Variants in COA1 observed in about 807,000 individuals in gnomAD.
COA1 encodes the protein cytochrome c oxidase assembly factor 1.
Under a neutral mutation model 16.0 loss-of-function variants are expected in COA1, and 13 were observed. The observed-to-expected ratio is 0.81, with a 90% CI of 0.53 to 1.29. The LOEUF (loss-of-function observed/expected upper bound fraction) is 1.29. Among genes scored for constraint, COA1 ranks in the 50% most tolerant of loss-of-function variants. The probability of loss-of-function intolerance (pLI) is 0.00; values close to 1 mark genes in which losing one functional copy is unlikely to be tolerated. For missense variants in COA1, 179 were observed against 177.0 expected (o/e 1.01, Z -0.06); for synonymous variants, 65 against 65.7 (o/e 0.99, Z 0.05).
At chr7:43,647,179 C>A (rs552521425) in intron 3 of COA1, 15 of 313,658 alleles carry the variant, frequency 4.8e-5, no homozygotes, top group African/African-American at 2.8e-4. Context: ...CGCACAGCCA[C>A]AGCTTTCCCC....
intron 1 of COA1, among the ~76,000 whole-genome samples, chr7:43,701,594 G>A (rs926511947): frequency 2.6e-5 from 4 of 152,268 alleles, no homozygotes; most frequent in Non-Finnish European, 2.9e-5. Flanking sequence ...TGTCTTCTTG[G>A]TAGAACAATT....
At chr7:43,709,584 T>A (rs911062955) in intron 1 of COA1, among the ~76,000 whole-genome samples, 1 of 152,144 alleles carries the variant, frequency 6.6e-6, no homozygotes, top group Non-Finnish European at 1.5e-5. Context: ...CATATTCACA[T>A]GTCTATTTCT....
intron 6 of COA1, among the ~76,000 whole-genome samples, chr7:43,633,615 CACAG>C (rs1234271189): frequency 6.6e-6 from 1 of 152,130 alleles, no homozygotes; most frequent in African/African-American, 2.4e-5. Context: ...CCAAATGTGA[CACAG>C]ACACAAAGTG....
At chr7:43,645,505 C>T (rs1019280702) in intron 3 of COA1, 106 bp from the exon 4 acceptor site, 19 of 1,024,220 alleles carry the variant, frequency 1.9e-5, no homozygotes, top group African/African-American at 1.8e-4. Context: ...GAAACAGAAA[C>T]GTGAAATCTG....
At chr7:43,619,507 T>C in intron 6 of COA1, 1 of 1,478,214 alleles carries the variant, frequency 6.8e-7, no homozygotes, top group Non-Finnish European at 9.1e-7. Context: ...TCAGTCTCAG[T>C]TTCATAGGTG....
chr7:43,676,956 G>A (rs1470394360), intron 1 of COA1, among the ~76,000 whole-genome samples: 1 of 152,180 alleles, frequency 6.6e-6, no homozygotes, highest in African/African-American at 2.4e-5. Context: ...GTATGCATTA[G>A]TATTTTTTCT....
At chr7:43,722,142 G>A (rs1274342016) in intron 1 of COA1, among the ~76,000 whole-genome samples, 1 of 149,642 alleles carries the variant, frequency 6.7e-6, no homozygotes, top group Non-Finnish European at 1.5e-5. Flanking sequence ...TCAGGCTGGA[G>A]TGCAGTGGCG....
At chr7:43,645,973 T>C (rs1318851740) in intron 3 of COA1, 1 of 153,484 alleles carries the variant, frequency 6.5e-6, no homozygotes. Context: ...CAACTCAAAC[T>C]GCTCTCAGTC....
chr7:43,639,742 C>T, intron 5 of COA1, 61 bp from the exon 6 acceptor site: 1 of 1,317,200 alleles, frequency 7.6e-7, no homozygotes, highest in Admixed American at 2.0e-5. Context: ...CAGCCGTAGT[C>T]AAAAAAAGGG....
At chr7:43,701,616 G>A (rs1413450857) in intron 1 of COA1, among the ~76,000 whole-genome samples, 1 of 152,134 alleles carries the variant, frequency 6.6e-6, no homozygotes, top group African/African-American at 2.4e-5. Context: ...ACATTCCTTT[G>A]GGGTTCAGTA....
At position 43,727,530 on chromosome 7, in the gene COA1, T is replaced by TA. The variant is rs145265438; in HGVS notation, c.-39+1898dup. ...ATACCCATAAAAGATTAACCAGCAA[T>TA]AAAAAAAAGTACTGACACATGCTAT... On this transcript the variant is annotated intron_variant, in intron 1 of 5. Transcript: ENST00000223336. Among the ~76,000 whole-genome samples the TA allele has an allele frequency of 8.9e-3, 1,348 of 151,770 alleles. 16 individuals are homozygous for TA. The highest frequency in any genetic ancestry group is 0.031 in the African/African-American group (1,288 of 41,400).
At chr7:43,720,651 T>C (rs1224260327) in intron 1 of COA1, among the ~76,000 whole-genome samples, 2 of 152,158 alleles carry the variant, frequency 1.3e-5, no homozygotes, top group African/African-American at 4.8e-5. Context: ...AGTGGCCATA[T>C]TTGAAAATAT....
intron 1 of COA1, among the ~76,000 whole-genome samples, chr7:43,669,771 T>TA (rs56286506): frequency 1.3e-4 from 20 of 148,810 alleles, no homozygotes; most frequent in Non-Finnish European, 1.6e-4. Flanking sequence ...AAAAAAAAAT[T>TA]AAAAAAAAAA....
chr7:43,683,116 C>T (rs1218750471), intron 1 of COA1, among the ~76,000 whole-genome samples: 2 of 152,048 alleles, frequency 1.3e-5, no homozygotes, highest in African/African-American at 4.8e-5. Flanking sequence ...CTTCGGCCTC[C>T]CAAAGTGCTA....
At chr7:43,710,535 A>C (rs2095209946) in intron 1 of COA1, among the ~76,000 whole-genome samples, 2 of 151,876 alleles carry the variant, frequency 1.3e-5, no homozygotes, top group African/African-American at 4.8e-5. Context: ...GGTGAAGAAT[A>C]GAAAAGATTT....
At chr7:43,667,386 T>G (rs986415059) in intron 1 of COA1, among the ~76,000 whole-genome samples, 1 of 152,234 alleles carries the variant, frequency 6.6e-6, no homozygotes, top group Non-Finnish European at 1.5e-5. Flanking sequence ...TCCAATCTTC[T>G]TTAAGTTATA....
intron 1 of COA1, among the ~76,000 whole-genome samples, chr7:43,665,336 A>G (rs930850007): frequency 6.6e-6 from 1 of 152,252 alleles, no homozygotes; most frequent in African/African-American, 2.4e-5. Context: ...CAAAATTAAG[A>G]AAATCAACTA....
intron 6 of COA1, among the ~76,000 whole-genome samples, chr7:43,613,073 G>A (rs1200552141): frequency 6.6e-6 from 1 of 152,112 alleles, no homozygotes; most frequent in East Asian, 1.9e-4. Context: ...TCAGAGGGAG[G>A]GAGGACTGAC....
chr7:43,709,099 G>C (rs1181582), intron 1 of COA1, among the ~76,000 whole-genome samples: 106,714 of 150,734 alleles, frequency 0.71, 38,236 homozygotes, highest in African/African-American at 0.84. Context: ...TCTCAGCTCA[G>C]TGCAAGCTCC....
Sources: allele counts gnomAD v4.1 joint callset (sites outside exome capture counted in the v4.1 genomes callset), GRCh38; gene constraint gnomAD v4.1.1; transcripts MANE v1.5; gene names NCBI Gene and HGNC (gene_info 2026-07-23, HGNC 2026-07-21).